The following TMEM132D variants were observed in gnomAD, a reference collection of about 807,000 sequenced individuals.
The protein encoded by TMEM132D is mature OL transmembrane protein.
Under a neutral mutation model 62.3 loss-of-function variants are expected in TMEM132D, and 21 were observed. The ratio of observed to expected loss-of-function variants is 0.34; its 90% confidence interval spans 0.24 to 0.49. The LOEUF (loss-of-function observed/expected upper bound fraction) is 0.49. Ranked by LOEUF, TMEM132D falls within the 20% of genes least tolerant of loss-of-function variation. The pLI is 0.99. For synonymous variants in TMEM132D, 621 were observed against 575.6 expected (o/e 1.08, Z -1.13); for missense variants, 1,346 against 1,402.8 (o/e 0.96, Z 0.65).
intron 4 of TMEM132D, among the ~76,000 whole-genome samples, chr12:129,253,990 G>A (rs1255213330): frequency 6.6e-6 from 1 of 152,226 alleles, no homozygotes; most frequent in East Asian, 1.9e-4. Context: ...TGATTCAGCA[G>A]TGACCAGGCA....
intron 1 of TMEM132D, among the ~76,000 whole-genome samples, chr12:129,754,526 A>C (rs1318385084): frequency 6.6e-6 from 1 of 152,196 alleles, no homozygotes; most frequent in East Asian, 1.9e-4. Flanking sequence ...CAGGGACCAG[A>C]CAAGAAGATG....
At chr12:129,463,591 A>G (rs1303087711) in intron 3 of TMEM132D, among the ~76,000 whole-genome samples, 1 of 152,022 alleles carries the variant, frequency 6.6e-6, no homozygotes, top group Non-Finnish European at 1.5e-5. Context: ...GTCATTTAGC[A>G]TTAGGTATAT....
intron 5 of TMEM132D, among the ~76,000 whole-genome samples, chr12:129,157,984 T>C (rs1175210786): frequency 6.6e-6 from 1 of 152,054 alleles, no homozygotes; most frequent in Admixed American, 6.6e-5. Context: ...GGGGTGGAGA[T>C]GAGATGCGAG....
intron 1 of TMEM132D, among the ~76,000 whole-genome samples, chr12:129,825,379 C>T (rs906056765): frequency 3.3e-5 from 5 of 152,108 alleles, no homozygotes; most frequent in African/African-American, 9.7e-5. Context: ...GCTCCTCTCC[C>T]GTCCTCCAGC....
chr12:129,529,666 C>A (rs115045236), intron 3 of TMEM132D, among the ~76,000 whole-genome samples: 265 of 152,262 alleles, frequency 1.7e-3, no homozygotes, highest in African/African-American at 6.1e-3. Flanking sequence ...TTATTATTTT[C>A]TTCTGATAAA....
At chr12:129,232,005 T>A (rs1325816027) in intron 4 of TMEM132D, among the ~76,000 whole-genome samples, 3 of 152,202 alleles carry the variant, frequency 2.0e-5, no homozygotes, top group Non-Finnish European at 4.4e-5. Context: ...CTTTTTCATA[T>A]CTTTGCAGGT....
At chr12:129,489,649 A>G (rs1874701437) in intron 3 of TMEM132D, among the ~76,000 whole-genome samples, 2 of 152,258 alleles carry the variant, frequency 1.3e-5, no homozygotes, top group Admixed American at 1.3e-4. Context: ...AATGGAAATC[A>G]TTATAGTAGA....
At chr12:129,439,081 T>C (rs1229055901) in intron 3 of TMEM132D, among the ~76,000 whole-genome samples, 1 of 152,164 alleles carries the variant, frequency 6.6e-6, no homozygotes, top group Non-Finnish European at 1.5e-5. Context: ...ACACTTTCCT[T>C]GCAAGACTTT....
chr12:129,697,795 G>A (rs1191725582), intron 2 of TMEM132D, among the ~76,000 whole-genome samples: 4 of 152,118 alleles, frequency 2.6e-5, no homozygotes, highest in Non-Finnish European at 5.9e-5. Flanking sequence ...GTTACAGACT[G>A]CCAAAGATAA....
chr12:129,302,957 T>C (rs1881758817), intron 4 of TMEM132D, among the ~76,000 whole-genome samples: 1 of 152,216 alleles, frequency 6.6e-6, no homozygotes, highest in African/African-American at 2.4e-5. Flanking sequence ...CTCAATCCCA[T>C]GTCTGCTCCA....
chr12:129,887,776 A>T (rs887015357), intron 1 of TMEM132D, among the ~76,000 whole-genome samples: 1 of 152,214 alleles, frequency 6.6e-6, no homozygotes, highest in Admixed American at 6.5e-5. Context: ...TAATATCAGC[A>T]TATCTAGGAA....
intron 3 of TMEM132D, among the ~76,000 whole-genome samples, chr12:129,470,156 T>C (rs1874052234): frequency 6.6e-6 from 1 of 152,020 alleles, no homozygotes; most frequent in African/African-American, 2.4e-5. Context: ...TAAAATGGGG[T>C]TCTAAATTTG....
intron 5 of TMEM132D, among the ~76,000 whole-genome samples, chr12:129,157,898 A>G (rs933129801): frequency 2.0e-5 from 3 of 152,158 alleles, no homozygotes; most frequent in African/African-American, 7.2e-5. Flanking sequence ...AGGCCCAATT[A>G]GGGGAGTGAA....
At chr12:129,430,917 A>G (rs1406420722) in intron 3 of TMEM132D, among the ~76,000 whole-genome samples, 2 of 152,200 alleles carry the variant, frequency 1.3e-5, no homozygotes, top group Non-Finnish European at 2.9e-5. Context: ...TTTAAACCAA[A>G]TTAGTTGGAT....
intron 2 of TMEM132D, among the ~76,000 whole-genome samples, chr12:129,549,185 A>G (rs1169456658): frequency 6.6e-6 from 1 of 150,918 alleles, no homozygotes; most frequent in East Asian, 1.9e-4. Context: ...GTGGTAGTGA[A>G]TAAGTCTCAT....
At chr12:129,774,985 A>G (rs973639194) in intron 1 of TMEM132D, among the ~76,000 whole-genome samples, 3 of 151,292 alleles carry the variant, frequency 2.0e-5, no homozygotes, top group African/African-American at 7.3e-5. Flanking sequence ...GGGGCACAGA[A>G]CCATGTCAGG....
At chr12:129,216,202 A>G (rs1335806840) in intron 4 of TMEM132D, among the ~76,000 whole-genome samples, 1 of 152,172 alleles carries the variant, frequency 6.6e-6, no homozygotes, top group Non-Finnish European at 1.5e-5. Flanking sequence ...TTTGCCCTAG[A>G]TTTGGTGCGT....
intron 5 of TMEM132D, among the ~76,000 whole-genome samples, chr12:129,151,916 T>C (rs1369168702): frequency 1.3e-5 from 2 of 151,454 alleles, no homozygotes; most frequent in Admixed American, 1.3e-4. Flanking sequence ...CTTGCTCTGT[T>C]GTCCAGGCTG....
At chr12:129,770,161 T>G (rs1316031620) in intron 1 of TMEM132D, among the ~76,000 whole-genome samples, 7 of 147,780 alleles carry the variant, frequency 4.7e-5, no homozygotes, top group African/African-American at 1.7e-4. Flanking sequence ...TTTTTTTTTT[T>G]GAGATCAGAT....
Sources: gnomAD v4.1 joint callset for allele counts (sites outside exome capture counted in the v4.1 genomes callset) on GRCh38, gnomAD v4.1.1 for gene constraint, MANE v1.5 for transcripts, NCBI Gene and HGNC (gene_info 2026-07-23, HGNC 2026-07-21) for gene names.